Variants in LARS2 observed in about 807,000 individuals in gnomAD.
LARS2 encodes the protein leucyl-tRNA synthetase 2, mitochondrial.
LARS2 carries 81 observed loss-of-function variants against 116.6 expected under a neutral mutation model. The observed-to-expected ratio is 0.69, with a 90% confidence interval of 0.58 to 0.84. The LOEUF (loss-of-function observed/expected upper bound fraction) is 0.84. Ranked by LOEUF, LARS2 falls within the 40% of genes least tolerant of loss-of-function variation. LARS2 has a pLI of 0.00. For missense variants in LARS2, 968 were observed against 1,114.5 expected (o/e 0.87, Z 1.87); for synonymous variants, 396 against 407.2 (o/e 0.97, Z 0.33).
rs1036416402 is a variant in LARS2 at position 45,507,612 on chromosome 3, T to C, written c.1761-5523T>C. 5.9e-5 allele frequency among the ~76,000 whole-genome samples: 9 copies of C among 152,112 alleles called. 1 individual carries two copies. The highest frequency in any genetic ancestry group is 1.7e-4 in the African/African-American group (7 of 41,450). ...CGTGGAGCACACTTATACAACACTT[T>C]CAATTAAATTACAAAGAATGTTTAA... is the stretch of plus-strand genomic sequence containing the variant. On this transcript the variant is annotated intron_variant, in intron 15 of 21. Transcript: ENST00000645846.
chr3:45,395,149 C>A (rs1698023746), intron 3 of LARS2, among the ~76,000 whole-genome samples: 1 of 152,182 alleles, frequency 6.6e-6, no homozygotes, highest in Non-Finnish European at 1.5e-5. Context: ...GGCACCTGGG[C>A]TCCTCGCTGG....
intron 5 of LARS2, among the ~76,000 whole-genome samples, chr3:45,418,906 T>A (rs1276930692): frequency 6.6e-6 from 1 of 152,248 alleles, no homozygotes; most frequent in Admixed American, 6.5e-5. Flanking sequence ...AGAGGGATAG[T>A]CATAGTTCCT....
rs962661277 is a variant in LARS2, at chr3:45,547,503, C to T, written c.2685C>T (p.Ala895=). Residue 895 remains alanine, a synonymous_variant, in exon 22 of 22, where the codon GCC becomes GCT. Transcript: ENST00000645846. ...IKKSFLSPRT[A]LINFLVQD is the part of the protein sequence containing the mutation. ...AGTCCTTCCTTTCCCCGAGAACTGC[C>T]CTCATCAACTTCCTGGTGCAAGATT... The T allele has an allele frequency of 1.6e-5, 25 of 1,607,964 alleles. No homozygotes were observed. The highest frequency in any genetic ancestry group is 2.0e-5 in the Non-Finnish European group (24 of 1,178,102).
chr3:45,501,972 G>A (rs890137779), intron 15 of LARS2, among the ~76,000 whole-genome samples: 2 of 151,886 alleles, frequency 1.3e-5, no homozygotes, highest in Admixed American at 6.6e-5. Flanking sequence ...CATAGTAGGT[G>A]TATATTTATG....
At chr3:45,529,236 C>T (rs373170259) in intron 20 of LARS2, among the ~76,000 whole-genome samples, 1 of 152,070 alleles carries the variant, frequency 6.6e-6, no homozygotes, top group Admixed American at 6.5e-5. Flanking sequence ...TATCATTGAA[C>T]ATTCAAACTG....
At chr3:45,509,262 T>A (rs1331726059) in intron 15 of LARS2, 1 of 152,076 alleles carries the variant, frequency 6.6e-6, no homozygotes. Flanking sequence ...GCACAGTCAC[T>A]ATGATGAATG....
chr3:45,412,813 GT>G, intron 4 of LARS2, among the ~76,000 whole-genome samples: 1 of 152,198 alleles, frequency 6.6e-6, no homozygotes, highest in East Asian at 1.9e-4. Context: ...ACAGAAAGCA[GT>G]TTTCAGTGGG....
chr3:45,499,331 A>G (rs142410550), intron 14 of LARS2, among the ~76,000 whole-genome samples: 28 of 152,264 alleles, frequency 1.8e-4, no homozygotes, highest in African/African-American at 6.7e-4. Context: ...AATCCCAGCT[A>G]CTCAGGAGGC....
chr3:45,455,632 C>G (rs1339818768), intron 7 of LARS2, among the ~76,000 whole-genome samples: 1 of 151,990 alleles, frequency 6.6e-6, no homozygotes, highest in African/African-American at 2.4e-5. Flanking sequence ...TCCAGCAATC[C>G]CACTTCTGGG....
intron 19 of LARS2, among the ~76,000 whole-genome samples, chr3:45,522,595 T>C (rs1700471663): frequency 6.6e-6 from 1 of 151,968 alleles, no homozygotes; most frequent in Non-Finnish European, 1.5e-5. Context: ...AGCCAGGGTG[T>C]GGTGGTGCAC....
chr3:45,471,632 C>T (rs903863411), intron 8 of LARS2, among the ~76,000 whole-genome samples: 1 of 152,102 alleles, frequency 6.6e-6, no homozygotes. Flanking sequence ...GAGATTGAGC[C>T]AATTTTCAGA....
chr3:45,419,240 T>A (rs1213904834), intron 5 of LARS2, among the ~76,000 whole-genome samples: 1 of 152,238 alleles, frequency 6.6e-6, no homozygotes, highest in East Asian at 1.9e-4. Flanking sequence ...AAGCAGTGTG[T>A]GGTTTCTTTT....
chr3:45,446,283 G>A (rs561517437), intron 6 of LARS2, among the ~76,000 whole-genome samples: 1 of 152,262 alleles, frequency 6.6e-6, no homozygotes, highest in East Asian at 1.9e-4. Flanking sequence ...TAAATTTGGG[G>A]AACCTTTGAT....
intron 19 of LARS2, 91 bp downstream of exon 19, chr3:45,520,387 A>AC (rs1700434264): frequency 2.4e-6 from 2 of 832,506 alleles, no homozygotes; most frequent in Admixed American, 2.0e-5. Context: ...GACAGAGAGC[A>AC]CCCCCACTGT....
intron 6 of LARS2, among the ~76,000 whole-genome samples, chr3:45,428,159 T>C (rs1199101261): frequency 1.3e-5 from 2 of 151,312 alleles, no homozygotes; most frequent in African/African-American, 2.4e-5. Flanking sequence ...ACTACATATG[T>C]GTTTGGGTTT....
At chr3:45,400,427 A>C in intron 4 of LARS2, 54 bp downstream of exon 4, 1 of 1,528,268 alleles carries the variant, frequency 6.5e-7, no homozygotes, top group Non-Finnish European at 8.8e-7. Context: ...CAGGGTTGGC[A>C]TGTAGTAATA....
At chr3:45,463,393 T>C (rs1013290686) in intron 8 of LARS2, among the ~76,000 whole-genome samples, 2 of 152,234 alleles carry the variant, frequency 1.3e-5, no homozygotes, top group African/African-American at 4.8e-5. Context: ...TTGGTGGTTA[T>C]GTTTTCAGGA....
chr3:45,496,386 T>C lies in LARS2; in HGVS notation c.1622+13T>C. On this transcript the variant is annotated intron_variant, in intron 14 of 21. Transcript: ENST00000645846. ...ATAATCCACACAGGTAAAACGTCCC[T>C]GCTGATGTCTTTGAGCATTTGTCAG... 1 of 1,585,816 alleles carries C rather than the reference T, an allele frequency of 6.3e-7. No individual in the cohort carries two copies. Among genetic ancestry groups the C allele is most frequent in the East Asian group, 2.2e-5 (1 of 44,732 alleles).
intron 8 of LARS2, among the ~76,000 whole-genome samples, chr3:45,469,591 G>T (rs973103478): frequency 6.6e-6 from 1 of 151,980 alleles, no homozygotes; most frequent in Admixed American, 6.6e-5. Flanking sequence ...TGATCCGCCC[G>T]CCTCGGCCTC....
Sources: allele counts gnomAD v4.1 joint callset (sites outside exome capture counted in the v4.1 genomes callset), GRCh38; gene constraint gnomAD v4.1.1; transcripts MANE v1.5; gene names NCBI Gene and HGNC (gene_info 2026-07-23, HGNC 2026-07-21).